The following STXBP5 variants were observed in gnomAD, a reference collection of about 807,000 sequenced individuals.
The protein encoded by STXBP5 is syntaxin-binding protein 5.
In STXBP5, 50 loss-of-function variants were observed where a neutral mutation model predicts 152.4. The ratio of observed to expected loss-of-function variants is 0.33; its 90% CI spans 0.26 to 0.42. The LOEUF is 0.42. STXBP5 is among the 10% of genes least tolerant of loss of function. STXBP5 has a pLI of 1.00. For synonymous variants in STXBP5, 492 were observed against 494.7 expected, an observed-to-expected ratio of 0.99 and a Z score of 0.07; for missense variants, 1,167 against 1,388.6, an observed-to-expected ratio of 0.84 and a Z score of 2.54.
At chr6:147,338,413 AAGAAG>A (rs1783934912) in intron 19 of STXBP5, among the ~76,000 whole-genome samples, 1 of 152,064 alleles carries the variant, frequency 6.6e-6, no homozygotes, top group Non-Finnish European at 1.5e-5. Flanking sequence ...TGTGCCTTTA[AAGAAG>A]AGATGTCCAA....
chr6:147,264,064 G>A (rs1300410687), intron 6 of STXBP5, among the ~76,000 whole-genome samples: 1 of 150,832 alleles, frequency 6.6e-6, no homozygotes, highest in African/African-American at 2.4e-5. Flanking sequence ...TAATGAGGAT[G>A]GAGTAAATAA....
chr6:147,359,250 G>T lies in STXBP5; in HGVS notation c.2472G>T (p.Val824=). ...CLWVGTTLGT[V]LVIALNLPPG... Reference sequence around the variant, plus strand: ...GGGTTGGAACAACGCTAGGAACAGTGCTTGTCATTGCACTGAACCTTCCCC... The same window carrying T: ...GGGTTGGAACAACGCTAGGAACAGTTCTTGTCATTGCACTGAACCTTCCCC... Residue 824 remains valine, a synonymous_variant, in exon 23 of 28, where the codon GTG becomes GTT. Coordinates refer to ENST00000321680, the MANE Select transcript of STXBP5 (RefSeq NM_001127715.4). 6.2e-7 allele frequency: 1 copy of T among 1,614,026 alleles called. No individual in the cohort carries two copies. Among genetic ancestry groups the T allele is most frequent in the Non-Finnish European group, 8.5e-7 (1 of 1,179,934 alleles).
At chr6:147,258,046 G>A (rs1052574988) in intron 4 of STXBP5, among the ~76,000 whole-genome samples, 10 of 152,110 alleles carry the variant, frequency 6.6e-5, no homozygotes, top group Non-Finnish European at 1.0e-4. Flanking sequence ...TTCATCACAT[G>A]GCACTTGGGT....
intron 19 of STXBP5, among the ~76,000 whole-genome samples, chr6:147,338,619 C>G (rs990422274): frequency 6.6e-6 from 1 of 151,552 alleles, no homozygotes; most frequent in Non-Finnish European, 1.5e-5. Flanking sequence ...TTTCTTACCT[C>G]CATAAATTTA....
intron 14 of STXBP5, 63 bp downstream of exon 14, chr6:147,314,699 G>C (rs1782554316): frequency 8.1e-7 from 1 of 1,236,550 alleles, no homozygotes; most frequent in African/African-American, 1.5e-5. Context: ...TATGCATCCT[G>C]TTTTATAATA....
In STXBP5 at chr6:147,338,903, T is replaced by C. The variant is rs189738985; in HGVS notation, c.2147-276T>C. 3.1e-3 allele frequency among the ~76,000 whole-genome samples: 467 copies of C among 151,890 alleles called. 2 individuals are homozygous for C. Among genetic ancestry groups the C allele is most frequent in the African/African-American group, 0.011 (449 of 41,512 alleles). ...CTATTTATAGTTTTTTTTAATATATTTTCTAACATCTAATATACCAAGATT... is the reference window on the plus strand; with the variant it reads ...CTATTTATAGTTTTTTTTAATATATCTTCTAACATCTAATATACCAAGATT... On this transcript the variant is annotated intron_variant, in intron 19 of 27. Coordinates refer to ENST00000321680, the MANE Select transcript of STXBP5 (RefSeq NM_001127715.4).
intron 2 of STXBP5, among the ~76,000 whole-genome samples, chr6:147,223,367 C>G (rs925436458): frequency 6.6e-6 from 1 of 152,050 alleles, no homozygotes; most frequent in Admixed American, 6.6e-5. Context: ...ACTTACTAAA[C>G]TGTTGTTTTG....
intron 6 of STXBP5, among the ~76,000 whole-genome samples, chr6:147,262,683 T>C (rs1043202819): frequency 2.0e-5 from 3 of 152,002 alleles, no homozygotes; most frequent in Non-Finnish European, 4.4e-5. Context: ...TTTTGGCTTC[T>C]TTTGAACACT....
intron 25 of STXBP5, among the ~76,000 whole-genome samples, chr6:147,367,884 C>T (rs531469231): frequency 1.3e-5 from 2 of 151,716 alleles, no homozygotes; most frequent in East Asian, 1.9e-4. Context: ...ATATTATGAA[C>T]AAGTTTATGC....
intron 25 of STXBP5, among the ~76,000 whole-genome samples, chr6:147,366,390 A>G (rs548173561): frequency 2.8e-4 from 42 of 152,356 alleles, no homozygotes; most frequent in Non-Finnish European, 2.9e-4. Flanking sequence ...CTTGGTGGCT[A>G]AAACCAGTAG....
intron 21 of STXBP5, among the ~76,000 whole-genome samples, chr6:147,348,442 A>G (rs983644616): frequency 1.3e-5 from 2 of 151,984 alleles, no homozygotes; most frequent in African/African-American, 4.8e-5. Context: ...AGCGATAACT[A>G]GTTAACATTT....
At chr6:147,221,704 A>G (rs1290695770) in intron 2 of STXBP5, among the ~76,000 whole-genome samples, 1 of 145,078 alleles carries the variant, frequency 6.9e-6, no homozygotes, top group East Asian at 2.0e-4. Context: ...TAATCTTTGG[A>G]TTTCTGCAAT....
intron 4 of STXBP5, among the ~76,000 whole-genome samples, chr6:147,243,398 C>G (rs1223514661): frequency 2.0e-5 from 3 of 151,990 alleles, no homozygotes; most frequent in Non-Finnish European, 2.9e-5. Context: ...GATGAGTTGT[C>G]CAGATTTTTT....
In STXBP5 at chr6:147,359,128, A is replaced by G; in HGVS notation, c.2350A>G (p.Thr784Ala). The G allele has an allele frequency of 6.2e-7, 1 of 1,613,990 alleles. No individual in the cohort carries two copies. Among genetic ancestry groups the G allele is most frequent in the Non-Finnish European group, 8.5e-7 (1 of 1,179,920 alleles). The change falls in exon 23 of 28, where the codon ACA (threonine) becomes GCA (alanine). Residue 784 changes from threonine to alanine, a missense_variant. This residue lies in a region of STXBP5 where 833 missense variants were observed against 986.3 expected (regional missense o/e 0.84). Transcript: ENST00000321680. Reference sequence around the variant, plus strand: ...TAGCCGATCACGGAGTTCAAGTGTAACAAGCATTGACAAAGAATCCCGAGA... The same window carrying G: ...TAGCCGATCACGGAGTTCAAGTGTAGCAAGCATTGACAAAGAATCCCGAGA... Reference protein sequence around the residue: ...SFSRSRSSSVTSIDKESREAI... With the variant: ...SFSRSRSSSVASIDKESREAI...
intron 26 of STXBP5, among the ~76,000 whole-genome samples, chr6:147,374,154 C>A (rs1473478030): frequency 6.6e-6 from 1 of 152,124 alleles, no homozygotes; most frequent in Non-Finnish European, 1.5e-5. Context: ...TAACTGATAA[C>A]CTTAACTTTG....
chr6:147,278,907 T>C (rs1466818479), intron 8 of STXBP5, among the ~76,000 whole-genome samples: 1 of 152,188 alleles, frequency 6.6e-6, no homozygotes, highest in Non-Finnish European at 1.5e-5. Flanking sequence ...ACCTGAGCCT[T>C]GGAGTCCAGG....
intron 9 of STXBP5, among the ~76,000 whole-genome samples, chr6:147,299,261 G>A (rs1422403065): frequency 8.0e-5 from 10 of 125,422 alleles, no homozygotes. Flanking sequence ...AAAAAAAAAA[G>A]TGTATGAAGT....
In STXBP5 at chr6:147,387,416, AAT is replaced by A. The variant is rs1391836999; in HGVS notation, c.*2662_*2663del. On this transcript the variant is annotated 3_prime_UTR_variant, in exon 28 of 28. Transcript: ENST00000321680. ...TTGTTGCATTTGTCCTTGACTCTAAAATCACTGAAGTATTCATGATTAGTAGT... is the reference window on the plus strand; with the variant it reads ...TTGTTGCATTTGTCCTTGACTCTAAACACTGAAGTATTCATGATTAGTAGT... The A allele has an allele frequency of 2.0e-5, 3 of 151,738 alleles. No individual in the cohort carries two copies. The highest frequency in any genetic ancestry group is 4.4e-5 in the Non-Finnish European group (3 of 67,730). 9.4% of individuals were successfully genotyped at this position (151,738 alleles called of 1,614,324 possible). A position where few individuals can be genotyped will look rare whatever the true frequency, so the allele number is the denominator to read the frequency against.
At chr6:147,257,196 G>A (rs557617331) in intron 4 of STXBP5, among the ~76,000 whole-genome samples, 2 of 149,950 alleles carry the variant, frequency 1.3e-5, no homozygotes, top group African/African-American at 2.5e-5. Flanking sequence ...CCCTCAGTGT[G>A]CCACTAAATA....
Sources: allele counts gnomAD v4.1 joint callset (sites outside exome capture counted in the v4.1 genomes callset), GRCh38; gene constraint gnomAD v4.1.1; regional missense constraint gnomAD v4.1.1; transcripts MANE v1.5; gene names NCBI Gene and HGNC (gene_info 2026-07-23, HGNC 2026-07-21).